COL22A1: variants seen among roughly 807,000 people sequenced by gnomAD.
COL22A1 encodes collagen alpha-1(XXII) chain.
In COL22A1, 221 loss-of-function variants were observed where a neutral mutation model predicts 248.9. That is an observed-to-expected ratio of 0.89 (90% CI 0.80 to 0.99). COL22A1 has a LOEUF of 0.99. Among genes scored for constraint, COL22A1 ranks in the 50% least tolerant of loss-of-function variants. The pLI, the probability that COL22A1 is intolerant of heterozygous loss-of-function variation, is 0.00. For missense variants in COL22A1, 2,240 were observed against 2,179.0 expected (o/e 1.03, Z -0.56); for synonymous variants, 891 against 793.4 (o/e 1.12, Z -2.07).
intron 50 of COL22A1, among the ~76,000 whole-genome samples, chr8:138,629,191 C>T (rs1408754956): frequency 6.6e-6 from 1 of 152,038 alleles, no homozygotes; most frequent in Non-Finnish European, 1.5e-5. Flanking sequence ...GAGTCTCACT[C>T]TGTCGCCCAG....
At chr8:138,663,404 C>T (rs1157816937) in intron 42 of COL22A1, among the ~76,000 whole-genome samples, 1 of 152,188 alleles carries the variant, frequency 6.6e-6, no homozygotes, top group East Asian at 1.9e-4. Flanking sequence ...GTTCTTCAGG[C>T]AATTTGGCTG....
intron 3 of COL22A1, among the ~76,000 whole-genome samples, chr8:138,872,442 GGAGA>G (rs1297798759): frequency 2.0e-5 from 3 of 152,310 alleles, no homozygotes; most frequent in Admixed American, 1.3e-4. Flanking sequence ...TGTGGGGACA[GGAGA>G]GAGAGGACCA....
chr8:138,888,590 C>G (rs1292877954), intron 1 of COL22A1, among the ~76,000 whole-genome samples: 1 of 152,150 alleles, frequency 6.6e-6, no homozygotes, highest in Non-Finnish European at 1.5e-5. Flanking sequence ...GCTCTAAAGG[C>G]CACTTGTGAG....
intron 14 of COL22A1, 145 bp downstream of exon 14, chr8:138,779,364 T>A: frequency 4.9e-6 from 3 of 608,406 alleles, no homozygotes; most frequent in Non-Finnish European, 9.0e-6. Flanking sequence ...TGTGTGGATA[T>A]ACACACACAA....
chr8:138,619,982 G>T (rs1054903809), intron 52 of COL22A1: 5 of 175,660 alleles, frequency 2.8e-5, no homozygotes, highest in Non-Finnish European at 6.2e-5. Context: ...CTAAGCGGAT[G>T]CTCTTTCCAG....
At chr8:138,695,589 G>T (rs1395887129) in intron 32 of COL22A1, among the ~76,000 whole-genome samples, 1 of 152,074 alleles carries the variant, frequency 6.6e-6, no homozygotes, top group Admixed American at 6.5e-5. Context: ...TTGAACCCTA[G>T]ACTCTGGGTG....
intron 12 of COL22A1, among the ~76,000 whole-genome samples, chr8:138,792,244 T>C (rs1816122530): frequency 6.6e-6 from 1 of 152,222 alleles, no homozygotes; most frequent in African/African-American, 2.4e-5. Context: ...GGCCCTTGTC[T>C]AGGCAAATCC....
At chr8:138,876,836 G>A (rs1312093124) in intron 3 of COL22A1, among the ~76,000 whole-genome samples, 1 of 152,232 alleles carries the variant, frequency 6.6e-6, no homozygotes, top group East Asian at 1.9e-4. Context: ...GCAAGACAGA[G>A]GCTGAGGCTC....
At chr8:138,672,875 A>C (rs1825158553) in intron 41 of COL22A1, among the ~76,000 whole-genome samples, 1 of 152,198 alleles carries the variant, frequency 6.6e-6, no homozygotes, top group South Asian at 2.1e-4. Flanking sequence ...TTATCTTCAC[A>C]AACCCCAGCT....
chr8:138,853,188 C>A (rs1821769685), intron 3 of COL22A1, among the ~76,000 whole-genome samples: 1 of 152,026 alleles, frequency 6.6e-6, no homozygotes, highest in African/African-American at 2.4e-5. Context: ...AAAGAAGGGG[C>A]AGCATTTATA....
chr8:138,627,882 G>A (rs1387174869), intron 50 of COL22A1, among the ~76,000 whole-genome samples: 1 of 152,038 alleles, frequency 6.6e-6, no homozygotes, highest in Non-Finnish European at 1.5e-5. Context: ...GTAAAATTTA[G>A]GTGGAAAAAA....
intron 23 of COL22A1, among the ~76,000 whole-genome samples, chr8:138,731,245 GA>G (rs1448297671): frequency 6.6e-6 from 1 of 152,086 alleles, no homozygotes; most frequent in African/African-American, 2.4e-5. Flanking sequence ...AGGTTGCAGT[GA>G]TCCAAGATTG....
At chr8:138,683,169 C>T (rs1826087176) in intron 39 of COL22A1, among the ~76,000 whole-genome samples, 2 of 152,156 alleles carry the variant, frequency 1.3e-5, no homozygotes, top group Non-Finnish European at 2.9e-5. Flanking sequence ...CTGGCTGAAC[C>T]GTGAGCCACT....
chr8:138,676,710 C>T (rs1587838057), intron 40 of COL22A1, 75 bp from the exon 41 acceptor site: 15 of 1,106,104 alleles, frequency 1.4e-5, no homozygotes, highest in East Asian at 5.4e-5. Flanking sequence ...ATGAATCATG[C>T]TTCTTCTAGA....
intron 3 of COL22A1, among the ~76,000 whole-genome samples, chr8:138,854,722 C>T (rs1429303060): frequency 6.6e-6 from 1 of 152,266 alleles, no homozygotes; most frequent in East Asian, 1.9e-4. Context: ...CCTTGGCCTC[C>T]GAGACCCCAT....
chr8:138,668,665 A>C (rs571431184), intron 41 of COL22A1, among the ~76,000 whole-genome samples: 1 of 152,288 alleles, frequency 6.6e-6, no homozygotes, highest in Non-Finnish European at 1.5e-5. Flanking sequence ...GTGAACTTTT[A>C]TTCTCCGTAA....
intron 16 of COL22A1, among the ~76,000 whole-genome samples, chr8:138,765,498 G>A (rs1029332517): frequency 6.6e-6 from 1 of 152,234 alleles, no homozygotes; most frequent in African/African-American, 2.4e-5. Context: ...AAGGAACATG[G>A]CTGTGCTTTG....
intron 33 of COL22A1, 116 bp downstream of exon 33, chr8:138,694,710 A>C: frequency 7.1e-7 from 1 of 1,403,266 alleles, no homozygotes; most frequent in Non-Finnish European, 9.9e-7. Context: ...GCTGCCTTCC[A>C]TTCAGTGTGG....
chr8:138,649,238 T>C (rs545553126), intron 46 of COL22A1, among the ~76,000 whole-genome samples: 69 of 152,278 alleles, frequency 4.5e-4, no homozygotes, highest in African/African-American at 1.5e-3. Flanking sequence ...TGGGGTGTCA[T>C]AAACAGGTAA....
Sources: gnomAD v4.1 joint callset for allele counts (sites outside exome capture counted in the v4.1 genomes callset) on GRCh38, gnomAD v4.1.1 for gene constraint, MANE v1.5 for transcripts, NCBI Gene and HGNC (gene_info 2026-07-23, HGNC 2026-07-21) for gene names.